Variants in DOCK11 observed in about 807,000 individuals in gnomAD.
DOCK11 encodes the protein dedicator of cytokinesis protein 11.
DOCK11 carries 70 observed loss-of-function variants against 169.1 expected under a neutral mutation model. The observed-to-expected ratio is 0.41, with a 90% CI of 0.34 to 0.51. The LOEUF (loss-of-function observed/expected upper bound fraction) is 0.51, where lower values mean the gene tolerates loss of function less well. Ranked by LOEUF, DOCK11 falls within the 20% of genes least tolerant of loss-of-function variation. The pLI, the probability that DOCK11 is intolerant of heterozygous loss-of-function variation, is 0.10. For synonymous variants in DOCK11, 529 were observed against 541.3 expected, an observed-to-expected ratio of 0.98 and a Z score of 0.32; for missense variants, 1,166 against 1,538.8, an observed-to-expected ratio of 0.76 and a Z score of 4.05.
chrX:118,585,635 G>A (rs993288546), intron 16 of DOCK11, among the ~76,000 whole-genome samples: 2 of 108,375 alleles, frequency 1.8e-5, no homozygotes, highest in Non-Finnish European at 3.8e-5. Flanking sequence ...CAGTATGCAC[G>A]ATGAATAGTT....
At chrX:118,633,177 C>G (rs1375038000) in intron 35 of DOCK11, 4 of 111,827 alleles carry the variant, frequency 3.6e-5, no homozygotes, top group Non-Finnish European at 7.5e-5. Context: ...TTAGAGCTAT[C>G]TCTCACTGCA....
At chrX:118,648,706 A>T (rs960973208) in intron 40 of DOCK11, among the ~76,000 whole-genome samples, 1 of 105,339 alleles carries the variant, frequency 9.5e-6, no homozygotes, top group Non-Finnish European at 1.9e-5. Flanking sequence ...TAGCATTTAT[A>T]TTCAGTACTT....
In DOCK11 at chrX:118,627,652, G is replaced by T. The variant is rs747704974; in HGVS notation, c.3664+73G>T. 2.9e-5 allele frequency: 22 copies of T among 764,735 alleles called. No homozygotes were observed. The South Asian group carries it at 4.5e-4, about 16-fold the overall frequency. 63.0% of individuals were successfully genotyped at this position (764,735 alleles called of 1,213,427 possible). A position where few individuals can be genotyped will look rare whatever the true frequency, so the allele number is the denominator to read the frequency against. On this transcript the variant is annotated intron_variant, in intron 33 of 52. Coordinates refer to ENST00000276202, the MANE Select transcript of DOCK11 (RefSeq NM_144658.4). ...GTACCCTCTACTTCTCAGTATTTTT[G>T]ATATATTTCATAATAAAGACCATAC...
intron 48 of DOCK11, among the ~76,000 whole-genome samples, chrX:118,679,996 G>A (rs1189684068): frequency 4.3e-5 from 4 of 93,163 alleles, no homozygotes; most frequent in African/African-American, 8.5e-5. Context: ...GCGCGATCTC[G>A]GCTCACTGCA....
At chrX:118,640,975 A>C (rs147772014) in intron 38 of DOCK11, among the ~76,000 whole-genome samples, 6,211 of 110,170 alleles carry the variant, frequency 0.056, 179 homozygotes, top group Non-Finnish European at 0.081. Flanking sequence ...TTGTATTTTT[A>C]GTAGAGACAG....
At chrX:118,619,480 CAA>C (rs1162244580) in intron 31 of DOCK11, among the ~76,000 whole-genome samples, 97 of 51,447 alleles carry the variant, frequency 1.9e-3, no homozygotes, top group East Asian at 0.012. Context: ...AACTCTGTCT[CAA>C]AAAAAAAAAA....
intron 44 of DOCK11, among the ~76,000 whole-genome samples, chrX:118,657,346 T>A (rs1323251012): frequency 4.5e-5 from 5 of 111,447 alleles, no homozygotes; most frequent in African/African-American, 1.6e-4. Context: ...TTAAAAAAAA[T>A]GATGTTTAAG....
intron 44 of DOCK11, among the ~76,000 whole-genome samples, chrX:118,660,055 C>T: frequency 8.9e-6 from 1 of 111,821 alleles, no homozygotes; most frequent in Non-Finnish European, 1.9e-5. Flanking sequence ...GTCTTGGGCC[C>T]TCTTCTTTAC....
Position 118,504,663 on chromosome X carries a change from C to T in DOCK11, c.102+8590C>T, listed in dbSNP as rs1004673579. Among the ~76,000 whole-genome samples, 5 of 112,443 alleles carry T rather than the reference C, an allele frequency of 4.4e-5. No individual in the cohort carries two copies. The South Asian group carries it at 1.1e-3, about 25-fold the overall frequency. On this transcript the variant is annotated intron_variant, in intron 1 of 52. Transcript: ENST00000276202. ...GTAAATCCTAAGGGTACTTAGAATACGTTTCTCTTTGAGATTTACCCCTCT... is the reference window on the plus strand; with the variant it reads ...GTAAATCCTAAGGGTACTTAGAATATGTTTCTCTTTGAGATTTACCCCTCT...
intron 1 of DOCK11, among the ~76,000 whole-genome samples, chrX:118,514,534 A>G (rs1325301066): frequency 9.0e-6 from 1 of 111,316 alleles, no homozygotes; most frequent in East Asian, 2.8e-4. Context: ...CTGGCTTCAC[A>G]TTGCCATAAA....
At chrX:118,593,181 G>A (rs984039006) in intron 19 of DOCK11, 33 bp from the exon 20 acceptor site, 4 of 1,173,085 alleles carry the variant, frequency 3.4e-6, no homozygotes, top group Non-Finnish European at 4.6e-6. Context: ...TTGAGAAAAC[G>A]AAGTTCCATG....
At chrX:118,623,403 C>G (rs762262617) in intron 31 of DOCK11, among the ~76,000 whole-genome samples, 178 of 112,467 alleles carry the variant, frequency 1.6e-3, no homozygotes, top group Non-Finnish European at 2.7e-3. Flanking sequence ...CATGAAACGG[C>G]TTGAGTTTTA....
intron 6 of DOCK11, among the ~76,000 whole-genome samples, chrX:118,556,759 GAAA>G (rs58350422): frequency 1.2e-5 from 1 of 80,976 alleles, no homozygotes. Context: ...TCTGTCTCCG[GAAA>G]AAAAAAAAAA....
rs748105289 is a variant in DOCK11, at chrX:118,655,118, G to A, written c.4969+157G>A. ...TTAAAAATAAGCTGTTATAAAAGAA[G>A]ACTGGATTGTTTGTTGTCCCTTCTG... On this transcript the variant is annotated intron_variant, in intron 44 of 52. Coordinates refer to ENST00000276202, the MANE Select transcript of DOCK11 (RefSeq NM_144658.4). 2.7e-5 allele frequency among the ~76,000 whole-genome samples: 3 copies of A among 111,581 alleles called. No individual in the cohort carries two copies. In the South Asian group the frequency reaches 1.1e-3, roughly 41 times the overall value.
In DOCK11 at chrX:118,532,780, CA is replaced by C. The variant is rs140455489; in HGVS notation, c.103-9927del. Among the ~76,000 whole-genome samples the C allele has an allele frequency of 6.4e-3, 299 of 46,737 alleles. 1 individual carries two copies. Among genetic ancestry groups the C allele is most frequent in the Non-Finnish European group, 7.1e-3 (190 of 26,851 alleles). The allele number at this position is 46,737 out of a possible 115,157, so 40.6% of individuals were successfully genotyped here. A position where few individuals can be genotyped will look rare whatever the true frequency, so the allele number is the denominator to read the frequency against. On this transcript the variant is annotated intron_variant, in intron 1 of 52. Coordinates refer to ENST00000276202, the MANE Select transcript of DOCK11 (RefSeq NM_144658.4). ...TGGGCGACAGAGCGAGACTCTGTCT[CA>C]AAAAAAAAAAAAAAAAAGAAGGTGT...
At chrX:118,561,255 G>T (rs2012899609) in intron 6 of DOCK11, 128 bp from the exon 7 acceptor site, 1 of 551,782 alleles carries the variant, frequency 1.8e-6, no homozygotes, top group Non-Finnish European at 2.7e-6. Context: ...CTAACATCTT[G>T]TCAGGGTTGT....
rs1199628996 is a variant in DOCK11, at chrX:118,573,792, G to A, written c.1177-14G>A. On this transcript the variant is annotated splice_polypyrimidine_tract_variant and intron_variant, in intron 11 of 52. Coordinates refer to ENST00000276202, the MANE Select transcript of DOCK11 (RefSeq NM_144658.4). ...AAAGTCTCAGTTTTAAAATGTAACT[G>A]TTTTCATTCCCAGGTTGAGCCCTTT... is the stretch of plus-strand genomic sequence containing the variant. The A allele has an allele frequency of 1.7e-6, 2 of 1,188,289 alleles. No individual in the cohort carries two copies. Among genetic ancestry groups the A allele is most frequent in the Non-Finnish European group, 2.3e-6 (2 of 880,539 alleles).
intron 40 of DOCK11, among the ~76,000 whole-genome samples, chrX:118,645,421 C>T (rs982293261): frequency 5.4e-5 from 6 of 111,364 alleles, no homozygotes; most frequent in African/African-American, 2.0e-4. Flanking sequence ...GAGCCGGGCG[C>T]AGTGGTTCAC....
At chrX:118,552,546 A>T (rs1465346949) in intron 6 of DOCK11, among the ~76,000 whole-genome samples, 2 of 112,707 alleles carry the variant, frequency 1.8e-5, no homozygotes, top group Non-Finnish European at 3.7e-5. Flanking sequence ...TGAAATGGGC[A>T]TATTTTCCCA....
Sources: allele counts gnomAD v4.1 joint callset (sites outside exome capture counted in the v4.1 genomes callset), GRCh38; gene constraint gnomAD v4.1.1; transcripts MANE v1.5; gene names NCBI Gene and HGNC (gene_info 2026-07-23, HGNC 2026-07-21).